Variants in BACH2 observed in about 807,000 individuals in gnomAD.
BACH2 encodes BACH transcriptional regulator 2.
BACH2 carries 5 observed loss-of-function variants against 61.8 expected under a neutral mutation model. The observed-to-expected ratio is 0.08, with a 90% CI of 0.04 to 0.17. BACH2 has a LOEUF of 0.17. Ranked by LOEUF, BACH2 falls within the 10% of genes least tolerant of loss-of-function variation. BACH2 has a pLI of 1.00. For missense variants in BACH2, 824 were observed against 1,091.1 expected, an observed-to-expected ratio of 0.76 and a Z score of 3.45; for synonymous variants, 446 against 440.1, an observed-to-expected ratio of 1.01 and a Z score of -0.17.
At chr6:90,188,880 C>G (rs1307781205) in intron 4 of BACH2, among the ~76,000 whole-genome samples, 2 of 151,870 alleles carry the variant, frequency 1.3e-5, no homozygotes, top group African/African-American at 2.4e-5. Context: ...TTTGCCTCCT[C>G]TTGACCTTAA....
intron 5 of BACH2, among the ~76,000 whole-genome samples, chr6:90,074,899 A>G (rs1781402525): frequency 6.6e-6 from 1 of 152,188 alleles, no homozygotes; most frequent in South Asian, 2.1e-4. Context: ...TAAGAAAAAG[A>G]ATAGAATACA....
At chr6:90,218,282 AC>A (rs1055648898) in intron 3 of BACH2, 1 of 152,108 alleles carries the variant, frequency 6.6e-6, no homozygotes, top group Admixed American at 6.5e-5. Context: ...AAGTTTCCCA[AC>A]ACCTTCTTCT....
intron 1 of BACH2, among the ~76,000 whole-genome samples, chr6:90,295,811 T>C (rs141172959): frequency 2.0e-5 from 3 of 152,214 alleles, no homozygotes; most frequent in Admixed American, 6.5e-5. Flanking sequence ...CTAGGAGAGA[T>C]TCGATCCAGG....
At chr6:90,043,906 C>T (rs1466510416) in intron 5 of BACH2, among the ~76,000 whole-genome samples, 2 of 152,200 alleles carry the variant, frequency 1.3e-5, no homozygotes, top group African/African-American at 2.4e-5. Flanking sequence ...GTTAAGTTCC[C>T]CAAGGACAGA....
At chr6:90,026,010 A>T (rs1378581519) in intron 5 of BACH2, among the ~76,000 whole-genome samples, 1 of 152,154 alleles carries the variant, frequency 6.6e-6, no homozygotes, top group Non-Finnish European at 1.5e-5. Context: ...TCCTCCCCAA[A>T]ACTTCTTCAT....
chr6:90,236,445 G>A (rs1309172571), intron 3 of BACH2, among the ~76,000 whole-genome samples: 1 of 152,224 alleles, frequency 6.6e-6, no homozygotes, highest in Non-Finnish European at 1.5e-5. Flanking sequence ...CACAGAAAGA[G>A]TAGACTGGAA....
rs1562320298 is a variant in BACH2 at position 89,951,534 on chromosome 6, C to T, written c.572G>A (p.Ser191Asn). 1.2e-6 allele frequency: 2 copies of T among 1,614,258 alleles called. No individual in the cohort carries two copies. Among genetic ancestry groups the T allele is most frequent in the African/African-American group, 1.3e-5 (1 of 75,066 alleles). ...TACGGGGATGGCGGCGGCCTCAAAG[C>T]TGATGGGCTCTGGAAGCATCTGGTC... ...PRDQMLPEPI[S>N]FEAAAIPVAE... is the part of the protein sequence containing the mutation. Residue 191 changes from serine to asparagine, a missense_variant, in exon 7 of 9, where the codon AGC becomes AAC. By Grantham distance (46) the Ser-to-Asn change is conservative. Coordinates refer to ENST00000257749, the MANE Select transcript of BACH2 (RefSeq NM_021813.4). The surrounding 1 kb of genome is among the most constrained non-coding windows in gnomAD (Gnocchi z 6.4).
intron 4 of BACH2, among the ~76,000 whole-genome samples, chr6:90,151,998 T>C (rs1250338742): frequency 1.3e-5 from 2 of 152,238 alleles, no homozygotes; most frequent in African/African-American, 2.4e-5. Flanking sequence ...TGAATATAAT[T>C]TGCACTTTAA....
intron 6 of BACH2, among the ~76,000 whole-genome samples, chr6:89,996,045 A>G (rs193039349): frequency 6.6e-6 from 1 of 152,254 alleles, no homozygotes; most frequent in Non-Finnish European, 1.5e-5. Context: ...CTGTTTCTCA[A>G]AGGGGTCAGC....
chr6:90,032,798 G>T lies in BACH2; in HGVS notation c.-12-23942C>A, dbSNP rs539203841. On this transcript the variant is annotated intron_variant, in intron 5 of 8. Transcript: ENST00000257749. ...TTCAATCATTGTGGAAGTCAGTGTG[G>T]CGATTCCTCAGGGATCCAGAACTAG... 3.0e-4 allele frequency among the ~76,000 whole-genome samples: 45 copies of T among 152,326 alleles called. 1 individual carries two copies. Among genetic ancestry groups the T allele is most frequent in the Non-Finnish European group, 5.0e-4 (34 of 68,044 alleles).
Position 89,950,896 on chromosome 6 carries a change from T to G in BACH2, c.1210A>C (p.Asn404His), listed in dbSNP as rs1322979235. Residue 404 changes from asparagine to histidine, a missense_variant, in exon 7 of 9, where the codon AAC (asparagine) becomes CAC (histidine). This residue lies in a region of BACH2 where 226 missense variants were observed against 228.5 expected (regional missense o/e 0.99). Transcript: ENST00000257749. This position sits in a 1 kb window ranked among gnomAD's most constrained non-coding sequence, Gnocchi z 5.3. ...CTGAGGGGCGACCCCATGGTGAAGT[T>G]GGACACCTCCTTCTGGCCCACGTGG... ...QPHVGQKEVS[N>H]FTMGSPLRGP... 1.9e-6 allele frequency: 3 copies of G among 1,600,030 alleles called. No individual in the cohort carries two copies. The highest frequency in any genetic ancestry group is 2.2e-5 in the South Asian group (2 of 89,022).
chr6:90,199,233 C>T (rs1582476169), intron 4 of BACH2, among the ~76,000 whole-genome samples: 1 of 152,160 alleles, frequency 6.6e-6, no homozygotes, highest in African/African-American at 2.4e-5. Flanking sequence ...GTGAGCCATG[C>T]ACACAAAGAG....
intron 4 of BACH2, among the ~76,000 whole-genome samples, chr6:90,196,702 T>C (rs987638570): frequency 1.3e-5 from 2 of 152,186 alleles, no homozygotes; most frequent in African/African-American, 4.8e-5. Flanking sequence ...CCTTGATCAC[T>C]ATGACACGCG....
intron 4 of BACH2, among the ~76,000 whole-genome samples, chr6:90,094,916 A>G (rs1782320521): frequency 6.6e-6 from 1 of 152,186 alleles, no homozygotes; most frequent in Admixed American, 6.5e-5. Flanking sequence ...AGACAATTTA[A>G]TACAATGGTT....
chr6:90,240,303 C>T (rs948055478), intron 3 of BACH2, among the ~76,000 whole-genome samples: 1 of 151,966 alleles, frequency 6.6e-6, no homozygotes, highest in African/African-American at 2.4e-5. Flanking sequence ...CTAAGAAATG[C>T]AAAATAACTT....
At chr6:90,041,152 G>A (rs1448893195) in intron 5 of BACH2, among the ~76,000 whole-genome samples, 1 of 152,156 alleles carries the variant, frequency 6.6e-6, no homozygotes, top group Non-Finnish European at 1.5e-5. Flanking sequence ...TTTCTGACAT[G>A]GCTTCTGGTG....
chr6:90,250,204 G>C (rs930933551), intron 3 of BACH2, among the ~76,000 whole-genome samples: 1 of 152,134 alleles, frequency 6.6e-6, no homozygotes, highest in Admixed American at 6.6e-5. Context: ...AAAAAGGCTT[G>C]AATTTAAAAA....
chr6:89,985,395 A>G (rs1224090145), intron 6 of BACH2, among the ~76,000 whole-genome samples: 3 of 152,130 alleles, frequency 2.0e-5, no homozygotes, highest in Admixed American at 2.0e-4. Flanking sequence ...CTGTGGTGAC[A>G]GGCCATCTCC....
chr6:90,038,526 C>G (rs1779375540), intron 5 of BACH2, among the ~76,000 whole-genome samples: 2 of 152,120 alleles, frequency 1.3e-5, no homozygotes, highest in South Asian at 4.1e-4. Context: ...TTAAGTTTTT[C>G]TTTTGTTTTG....
Sources: gnomAD v4.1 joint callset for allele counts (sites outside exome capture counted in the v4.1 genomes callset) on GRCh38, gnomAD v4.1.1 for gene constraint, gnomAD v4.1.1 regional missense constraint, Gnocchi (gnomAD v3.1) non-coding constraint, MANE v1.5 for transcripts, NCBI Gene and HGNC (gene_info 2026-07-23, HGNC 2026-07-21) for gene names.